Variants in TMEM123 observed in about 807,000 individuals in gnomAD.
TMEM123 encodes porimin.
Under a neutral mutation model 19.7 loss-of-function variants are expected in TMEM123, and 16 were observed. The ratio of observed to expected loss-of-function variants is 0.81; its 90% CI spans 0.55 to 1.23. TMEM123 has a LOEUF of 1.23. TMEM123 is among the 50% of genes most tolerant of loss of function. TMEM123 has a pLI of 0.00. For missense variants in TMEM123, 313 were observed against 257.8 expected, an observed-to-expected ratio of 1.21 and a Z score of -1.47; for synonymous variants, 118 against 99.4, an observed-to-expected ratio of 1.19 and a Z score of -1.12.
chr11:102,411,862 G>C (rs2847531), intron 2 of TMEM123, among the ~76,000 whole-genome samples: 6 of 152,168 alleles, frequency 3.9e-5, no homozygotes, highest in Non-Finnish European at 5.9e-5. Flanking sequence ...CAAGTGCCTA[G>C]CACAGTCTGG....
intron 2 of TMEM123, among the ~76,000 whole-genome samples, chr11:102,431,689 A>G (rs1280644317): frequency 2.0e-5 from 3 of 152,084 alleles, no homozygotes; most frequent in African/African-American, 7.3e-5. Context: ...TGCTTTATCC[A>G]TTCATCTGCT....
Position 102,449,891 on chromosome 11 carries a change from T to A in TMEM123, c.101-1023A>T, listed in dbSNP as rs144653051. Among the ~76,000 whole-genome samples the A allele has an allele frequency of 3.3e-5, 5 of 152,308 alleles. No individual in the cohort carries two copies. The East Asian group carries it at 9.6e-4, about 29-fold the overall frequency. ...CAGAGAAGGCCGCCCAGATACAAAG[T>A]GGCAGAGACTGGAATTGGACCAGAT... On this transcript the variant is annotated intron_variant, in intron 1 of 4. Transcript: ENST00000398136.
intron 2 of TMEM123, among the ~76,000 whole-genome samples, chr11:102,411,288 G>A (rs1032627278): frequency 6.6e-6 from 1 of 152,176 alleles, no homozygotes; most frequent in Non-Finnish European, 1.5e-5. Flanking sequence ...ACACATGGAG[G>A]TGCTGAGACG....
chr11:102,437,235 G>A (rs138894286), intron 2 of TMEM123, among the ~76,000 whole-genome samples: 1 of 152,100 alleles, frequency 6.6e-6, no homozygotes, highest in Non-Finnish European at 1.5e-5. Context: ...AGTGTTTCCT[G>A]GGTTTTCCCA....
chr11:102,400,583 T>C (rs766088721), intron 4 of TMEM123, among the ~76,000 whole-genome samples: 3 of 152,250 alleles, frequency 2.0e-5, no homozygotes, highest in Non-Finnish European at 4.4e-5. Context: ...CTCTTACATT[T>C]GTGTCACCCA....
intron 2 of TMEM123, among the ~76,000 whole-genome samples, chr11:102,411,256 T>C (rs1952001950): frequency 6.6e-6 from 1 of 152,170 alleles, no homozygotes; most frequent in Non-Finnish European, 1.5e-5. Flanking sequence ...TACTGAGATC[T>C]GAGGGGCTTC....
At chr11:102,448,965 G>T in intron 1 of TMEM123, 97 bp from the exon 2 acceptor site, 1 of 1,171,314 alleles carries the variant, frequency 8.5e-7, no homozygotes, top group Non-Finnish European at 1.3e-6. Context: ...GGGTAGTGGT[G>T]TCAGGAGGGT....
intron 2 of TMEM123, among the ~76,000 whole-genome samples, chr11:102,412,643 A>G (rs1170789524): frequency 6.6e-6 from 1 of 152,228 alleles, no homozygotes; most frequent in East Asian, 1.9e-4. Flanking sequence ...CTTTAAGGTG[A>G]AAAGTATCAC....
chr11:102,444,505 A>C, intron 2 of TMEM123, among the ~76,000 whole-genome samples: 1 of 150,872 alleles, frequency 6.6e-6, no homozygotes, highest in East Asian at 2.0e-4. Flanking sequence ...AGAACACTTG[A>C]ACACAGGGTG....
intron 2 of TMEM123, among the ~76,000 whole-genome samples, chr11:102,434,158 G>T (rs1052123301): frequency 2.4e-4 from 37 of 151,716 alleles, no homozygotes; most frequent in African/African-American, 8.5e-4. Context: ...ATTTTTTGAG[G>T]AACTTCCATA....
chr11:102,433,488 C>G (rs1857733151), intron 2 of TMEM123, among the ~76,000 whole-genome samples: 1 of 151,856 alleles, frequency 6.6e-6, no homozygotes, highest in Admixed American at 6.6e-5. Context: ...CACATTGTAT[C>G]TAGGAAGTAA....
At chr11:102,405,101 T>G (rs944687710) in intron 2 of TMEM123, among the ~76,000 whole-genome samples, 2 of 151,478 alleles carry the variant, frequency 1.3e-5, no homozygotes, top group South Asian at 2.1e-4. Flanking sequence ...CAGGCTGGAG[T>G]GCAGTGGCGT....
chr11:102,426,267 G>A (rs1016949255), intron 2 of TMEM123, among the ~76,000 whole-genome samples: 1 of 152,100 alleles, frequency 6.6e-6, no homozygotes, highest in Non-Finnish European at 1.5e-5. Flanking sequence ...TGTTTAGATC[G>A]TTCTTAACAA....
chr11:102,401,386 C>G (rs1951910911), intron 4 of TMEM123, among the ~76,000 whole-genome samples, 153 bp downstream of exon 4: 3 of 152,070 alleles, frequency 2.0e-5, no homozygotes, highest in Non-Finnish European at 2.9e-5. Flanking sequence ...TGTACATAAA[C>G]AATTTACTTT....
intron 2 of TMEM123, among the ~76,000 whole-genome samples, chr11:102,406,748 G>A (rs987279825): frequency 1.3e-5 from 2 of 151,920 alleles, no homozygotes; most frequent in African/African-American, 4.8e-5. Flanking sequence ...GCGGGCGCCT[G>A]TAGTCCCAGC....
At chr11:102,399,924 C>G (rs955357974) in intron 4 of TMEM123, among the ~76,000 whole-genome samples, 3 of 151,186 alleles carry the variant, frequency 2.0e-5, no homozygotes, top group Non-Finnish European at 2.9e-5. Context: ...GAGCCGAGAT[C>G]GTGCCATTGC....
chr11:102,427,194 T>C (rs954396976), intron 2 of TMEM123, among the ~76,000 whole-genome samples: 9 of 152,030 alleles, frequency 5.9e-5, no homozygotes, highest in Admixed American at 2.0e-4. Flanking sequence ...CAGTTGGCTT[T>C]TGTTTAGTTT....
chr11:102,447,061 GGAATGC>G lies in TMEM123; in HGVS notation c.157+1745_157+1750del, dbSNP rs542783541. On this transcript the variant is annotated intron_variant, in intron 2 of 4. Transcript: ENST00000398136. ...CAAAAGTGTTTTCAAGATACAAAGA[GGAATGC>G]GACAGTTATGAGGCGTAAAACACAT... Among the ~76,000 whole-genome samples, 164 of 152,278 alleles carry G rather than the reference GGAATGC, an allele frequency of 1.1e-3. 1 individual carries two copies. The highest frequency in any genetic ancestry group is 3.5e-3 in the African/African-American group (144 of 41,554).
At chr11:102,444,233 A>G (rs1857858351) in intron 2 of TMEM123, among the ~76,000 whole-genome samples, 1 of 152,210 alleles carries the variant, frequency 6.6e-6, no homozygotes, top group South Asian at 2.1e-4. Context: ...CACTACTATA[A>G]AGACACATGC....
Sources: allele counts gnomAD v4.1 joint callset (sites outside exome capture counted in the v4.1 genomes callset), GRCh38; gene constraint gnomAD v4.1.1; transcripts MANE v1.5; gene names NCBI Gene and HGNC (gene_info 2026-07-23, HGNC 2026-07-21).